IMMP2L: variants seen among roughly 807,000 people sequenced by gnomAD.
IMMP2L encodes inner mitochondrial membrane peptidase subunit 2.
Under a neutral mutation model 19.3 loss-of-function variants are expected in IMMP2L, and 18 were observed. The observed-to-expected ratio is 0.93, with a 90% confidence interval of 0.64 to 1.38. IMMP2L has a LOEUF of 1.38. IMMP2L is among the 40% of genes most tolerant of loss of function. The pLI is 0.00. For synonymous variants in IMMP2L, 76 were observed against 73.0 expected, an observed-to-expected ratio of 1.04 and a Z score of -0.21; for missense variants, 233 against 218.2, an observed-to-expected ratio of 1.07 and a Z score of -0.43.
At chr7:110,694,987 T>C (rs922216488) in intron 5 of IMMP2L, among the ~76,000 whole-genome samples, 5 of 152,060 alleles carry the variant, frequency 3.3e-5, no homozygotes, top group African/African-American at 1.2e-4. Flanking sequence ...TATGATTCCA[T>C]TGATATGAAA....
chr7:111,395,332 A>C (rs1832756628), intron 3 of IMMP2L, among the ~76,000 whole-genome samples: 1 of 152,194 alleles, frequency 6.6e-6, no homozygotes, highest in Admixed American at 6.5e-5. Flanking sequence ...ATGGAAACCT[A>C]AAATGTATTT....
chr7:111,287,891 G>A (rs1322148742), intron 3 of IMMP2L, among the ~76,000 whole-genome samples: 1 of 152,120 alleles, frequency 6.6e-6, no homozygotes, highest in Non-Finnish European at 1.5e-5. Context: ...AGTCTATAAA[G>A]TTTGCAGCAT....
chr7:110,915,853 T>A (rs1363849285), intron 4 of IMMP2L, among the ~76,000 whole-genome samples: 1 of 152,164 alleles, frequency 6.6e-6, no homozygotes, highest in Non-Finnish European at 1.5e-5. Context: ...GCTATAAGGA[T>A]GAAAAAGTTA....
chr7:110,746,817 A>C (rs577527062), intron 5 of IMMP2L, among the ~76,000 whole-genome samples: 5 of 152,234 alleles, frequency 3.3e-5, no homozygotes, highest in African/African-American at 1.2e-4. Context: ...TCTAAAATCG[A>C]CATCCTGACA....
chr7:110,689,159 G>A (rs185752617), intron 5 of IMMP2L, among the ~76,000 whole-genome samples: 18 of 152,204 alleles, frequency 1.2e-4, no homozygotes, highest in Non-Finnish European at 2.2e-4. Context: ...AGGCCTCCAA[G>A]GCAACACTGA....
At chr7:110,807,443 T>C (rs961136887) in intron 5 of IMMP2L, among the ~76,000 whole-genome samples, 1 of 151,974 alleles carries the variant, frequency 6.6e-6, no homozygotes, top group Admixed American at 6.6e-5. Flanking sequence ...ACAAAACAAG[T>C]GACAAATCAT....
chr7:110,998,668 C>T (rs1226771515), intron 3 of IMMP2L, among the ~76,000 whole-genome samples: 2 of 152,160 alleles, frequency 1.3e-5, no homozygotes, highest in Non-Finnish European at 2.9e-5. Flanking sequence ...GAAAGTTGGA[C>T]TCAACTGGGA....
At chr7:111,494,397 T>C (rs1349715559) in intron 2 of IMMP2L, among the ~76,000 whole-genome samples, 2 of 152,124 alleles carry the variant, frequency 1.3e-5, no homozygotes, top group South Asian at 2.1e-4. Flanking sequence ...ACCATACAAT[T>C]AGTTGAGAGC....
intron 4 of IMMP2L, among the ~76,000 whole-genome samples, chr7:110,891,145 A>G (rs570016636): frequency 3.3e-5 from 5 of 151,464 alleles, no homozygotes; most frequent in African/African-American, 9.7e-5. Context: ...CATGGTTTTC[A>G]TTGTCTTGAA....
At chr7:111,028,080 G>A (rs1827041607) in intron 3 of IMMP2L, among the ~76,000 whole-genome samples, 1 of 151,982 alleles carries the variant, frequency 6.6e-6, no homozygotes, top group African/African-American at 2.4e-5. Context: ...GGTTCATATG[G>A]TTAAAAGTTT....
intron 3 of IMMP2L, among the ~76,000 whole-genome samples, chr7:111,119,261 A>C (rs1768133539): frequency 6.6e-6 from 1 of 152,190 alleles, no homozygotes; most frequent in South Asian, 2.1e-4. Flanking sequence ...ATACAGGGGC[A>C]ATAGATTTCT....
chr7:111,232,654 ACT>A (rs1282092770), intron 3 of IMMP2L, among the ~76,000 whole-genome samples: 1 of 151,960 alleles, frequency 6.6e-6, no homozygotes, highest in Non-Finnish European at 1.5e-5. Context: ...CACTCTTCAC[ACT>A]CTGAGTCATC....
chr7:111,086,474 A>G (rs1056232278), intron 3 of IMMP2L, among the ~76,000 whole-genome samples: 21 of 152,028 alleles, frequency 1.4e-4, no homozygotes, highest in African/African-American at 5.1e-4. Flanking sequence ...AAATTAAAAC[A>G]AAACCTATAG....
chr7:110,950,021 T>C (rs1431070482), intron 4 of IMMP2L, among the ~76,000 whole-genome samples: 1 of 152,200 alleles, frequency 6.6e-6, no homozygotes, highest in Non-Finnish European at 1.5e-5. Context: ...TGTTGCAGGC[T>C]GCATGAAATC....
intron 3 of IMMP2L, among the ~76,000 whole-genome samples, chr7:111,443,125 T>C (rs1257834047): frequency 6.6e-6 from 1 of 151,944 alleles, no homozygotes; most frequent in Non-Finnish European, 1.5e-5. Context: ...GTTGATTTTA[T>C]GTTTTTTAAG....
intron 3 of IMMP2L, among the ~76,000 whole-genome samples, chr7:111,209,396 CAAAAAA>C (rs368679362): frequency 5.6e-5 from 5 of 88,590 alleles, no homozygotes; most frequent in Admixed American, 1.3e-4. Flanking sequence ...GACTCCTTCT[CAAAAAA>C]AAAAAAAAAA....
chr7:111,541,637 T>C (rs569415691), intron 1 of IMMP2L, among the ~76,000 whole-genome samples: 57 of 152,164 alleles, frequency 3.7e-4, no homozygotes, highest in African/African-American at 1.3e-3. Context: ...TATTAGGGAG[T>C]TTCACAATGA....
At chr7:110,964,384 C>T (rs978490427) in intron 3 of IMMP2L, among the ~76,000 whole-genome samples, 8 of 151,806 alleles carry the variant, frequency 5.3e-5, no homozygotes, top group East Asian at 1.9e-4. Flanking sequence ...AATGAAGATG[C>T]GAAGCATTTC....
chr7:111,211,041 A>G (rs571608862), intron 3 of IMMP2L, among the ~76,000 whole-genome samples: 4 of 152,292 alleles, frequency 2.6e-5, no homozygotes, highest in Admixed American at 6.5e-5. Flanking sequence ...TCTATCTACC[A>G]AGTCATTTAA....
Sources: allele counts gnomAD v4.1 joint callset (sites outside exome capture counted in the v4.1 genomes callset), GRCh38; gene constraint gnomAD v4.1.1; transcripts MANE v1.5; gene names NCBI Gene and HGNC (gene_info 2026-07-23, HGNC 2026-07-21).